The following SNTG1 variants were observed in gnomAD, a reference collection of about 807,000 sequenced individuals.
SNTG1 encodes gamma-1-syntrophin.
SNTG1 carries 39 observed loss-of-function variants against 74.7 expected under a neutral mutation model. That is an observed-to-expected ratio of 0.52 (90% CI 0.40 to 0.68). The LOEUF (loss-of-function observed/expected upper bound fraction) is 0.68. Among genes scored for constraint, SNTG1 ranks in the 30% least tolerant of loss-of-function variants. SNTG1 has a pLI of 0.00. For missense variants in SNTG1, 685 were observed against 609.5 expected, an observed-to-expected ratio of 1.12 and a Z score of -1.30; for synonymous variants, 254 against 217.1, an observed-to-expected ratio of 1.17 and a Z score of -1.49.
At chr8:50,284,453 A>T (rs2088648423) in intron 2 of SNTG1, among the ~76,000 whole-genome samples, 1 of 152,026 alleles carries the variant, frequency 6.6e-6, no homozygotes, top group South Asian at 2.1e-4. Flanking sequence ...TCATTGTTCA[A>T]ATGTTCTGAC....
intron 13 of SNTG1, among the ~76,000 whole-genome samples, chr8:50,630,004 A>G (rs2094985643): frequency 1.3e-5 from 2 of 152,196 alleles, no homozygotes; most frequent in South Asian, 2.1e-4. Context: ...CAATAGGTAA[A>G]TCAGTGGATT....
At chr8:50,449,565 C>A in intron 5 of SNTG1, 103 bp from the exon 6 acceptor site, 1 of 741,782 alleles carries the variant, frequency 1.3e-6, no homozygotes, top group Non-Finnish European at 1.9e-6. Flanking sequence ...TAAATTCTGC[C>A]TAATATCCAC....
intron 13 of SNTG1, among the ~76,000 whole-genome samples, chr8:50,629,518 A>G (rs2131098969): frequency 6.6e-6 from 1 of 152,176 alleles, no homozygotes; most frequent in Non-Finnish European, 1.5e-5. Context: ...TACTCAGTTA[A>G]TTGATACAGA....
intron 13 of SNTG1, among the ~76,000 whole-genome samples, chr8:50,628,207 C>CT (rs1050441186): frequency 6.0e-5 from 9 of 150,214 alleles, no homozygotes; most frequent in African/African-American, 7.3e-5. Context: ...AATGAAGCTA[C>CT]TTTTTTTTTT....
chr8:49,962,076 G>C (rs917284686), intron 1 of SNTG1, among the ~76,000 whole-genome samples: 1 of 152,150 alleles, frequency 6.6e-6, no homozygotes. Context: ...GGTTGCCCTT[G>C]AGCGGACATT....
chr8:50,457,656 T>C (rs1490957466), intron 8 of SNTG1, among the ~76,000 whole-genome samples: 4 of 152,042 alleles, frequency 2.6e-5, no homozygotes. Flanking sequence ...AGAGAGCAGA[T>C]AGACAAGACG....
intron 1 of SNTG1, among the ~76,000 whole-genome samples, chr8:50,078,708 C>G (rs765695206): frequency 6.6e-6 from 1 of 152,270 alleles, no homozygotes; most frequent in Admixed American, 6.5e-5. Flanking sequence ...GCTCTCCTTT[C>G]TCTAGCCCCC....
At chr8:50,791,385 G>A (rs2095690240) in intron 18 of SNTG1, among the ~76,000 whole-genome samples, 1 of 151,710 alleles carries the variant, frequency 6.6e-6, no homozygotes, top group Non-Finnish European at 1.5e-5. Context: ...TTTCACAAAG[G>A]AAACTATCAA....
chr8:50,649,657 A>G (rs2095132339), intron 13 of SNTG1, among the ~76,000 whole-genome samples: 1 of 152,210 alleles, frequency 6.6e-6, no homozygotes. Context: ...CATTTCTTTG[A>G]TGAGCACTTT....
chr8:50,077,806 T>C lies in SNTG1; in HGVS notation c.-102-94755T>C, dbSNP rs1017352549. 7.2e-5 allele frequency among the ~76,000 whole-genome samples: 11 copies of C among 152,280 alleles called. No homozygotes were observed. In the East Asian group the frequency reaches 2.1e-3, roughly 29 times the overall value. On this transcript the variant is annotated intron_variant, in intron 1 of 18. Coordinates refer to ENST00000642720, the MANE Select transcript of SNTG1 (RefSeq NM_018967.5). ...GCCTAAATGAATATCATAAAGACTT[T>C]CTTGTGTGTGTAAGCACATGTATGC...
chr8:50,461,569 A>G (rs1554534312), intron 8 of SNTG1, among the ~76,000 whole-genome samples: 1 of 151,996 alleles, frequency 6.6e-6, no homozygotes, highest in African/African-American at 2.4e-5. Context: ...ATGCATATAT[A>G]TTTATTTTAT....
chr8:50,755,666 T>A (rs1396051781), intron 18 of SNTG1, among the ~76,000 whole-genome samples: 1 of 151,886 alleles, frequency 6.6e-6, no homozygotes, highest in Non-Finnish European at 1.5e-5. Context: ...GTTTAGTTTT[T>A]TTAAAATTGC....
At chr8:49,986,194 C>G (rs927027993) in intron 1 of SNTG1, among the ~76,000 whole-genome samples, 3 of 152,066 alleles carry the variant, frequency 2.0e-5, no homozygotes, top group African/African-American at 7.2e-5. Flanking sequence ...AAAATATGCC[C>G]AGATCAACAG....
chr8:50,539,294 TTTGTTGTTGTTG>T (rs530555383), intron 11 of SNTG1, among the ~76,000 whole-genome samples: 1 of 152,050 alleles, frequency 6.6e-6, no homozygotes, highest in Non-Finnish European at 1.5e-5. Context: ...TAATCTGGGT[TTTGTTGTTGTTG>T]TTGTTGTTCT....
intron 8 of SNTG1, among the ~76,000 whole-genome samples, chr8:50,484,878 G>C (rs1314378283): frequency 1.3e-5 from 2 of 151,350 alleles, no homozygotes; most frequent in African/African-American, 4.9e-5. Context: ...AAAGAAAAAA[G>C]AAAAGAAAAA....
chr8:50,442,655 T>C (rs2093368146), intron 5 of SNTG1, among the ~76,000 whole-genome samples: 1 of 149,162 alleles, frequency 6.7e-6, no homozygotes, highest in South Asian at 2.1e-4. Flanking sequence ...GTGCCTTTTT[T>C]TCTTTGTATT....
At chr8:50,334,299 T>C (rs1372816114) in intron 2 of SNTG1, among the ~76,000 whole-genome samples, 2 of 152,340 alleles carry the variant, frequency 1.3e-5, no homozygotes, top group East Asian at 1.9e-4. Flanking sequence ...TATACCATGC[T>C]GGACTCTTGA....
chr8:50,106,878 T>A (rs1370382160), intron 1 of SNTG1, among the ~76,000 whole-genome samples: 1 of 152,174 alleles, frequency 6.6e-6, no homozygotes, highest in South Asian at 2.1e-4. Flanking sequence ...TATGTATATC[T>A]GAAAATCATT....
intron 12 of SNTG1, among the ~76,000 whole-genome samples, chr8:50,562,154 G>A (rs2094492371): frequency 6.6e-6 from 1 of 152,208 alleles, no homozygotes; most frequent in Non-Finnish European, 1.5e-5. Context: ...CATCTTATAA[G>A]ATTTAACTCT....
Sources: allele counts gnomAD v4.1 joint callset (sites outside exome capture counted in the v4.1 genomes callset), GRCh38; gene constraint gnomAD v4.1.1; transcripts MANE v1.5; gene names NCBI Gene and HGNC (gene_info 2026-07-23, HGNC 2026-07-21).